PARP4: variants seen among roughly 807,000 people sequenced by gnomAD.
PARP4 encodes poly(ADP-ribose) polymerase family member 4, also known as protein mono-ADP-ribosyltransferase PARP4.
Under a neutral mutation model 187.7 loss-of-function variants are expected in PARP4, and 120 were observed. The ratio of observed to expected loss-of-function variants is 0.64; its 90% confidence interval spans 0.55 to 0.74. The LOEUF (loss-of-function observed/expected upper bound fraction) is 0.74. Among genes scored for constraint, PARP4 ranks in the 30% least tolerant of loss-of-function variants. The pLI, the probability that PARP4 is intolerant of heterozygous loss-of-function variation, is 0.00. For missense variants in PARP4, 1,836 were observed against 2,070.5 expected, an observed-to-expected ratio of 0.89 and a Z score of 2.20; for synonymous variants, 654 against 740.9, an observed-to-expected ratio of 0.88 and a Z score of 1.90.
At chr13:24,491,019 G>T (rs73154361) in intron 9 of PARP4, among the ~76,000 whole-genome samples, 191 bp from the exon 10 acceptor site, 11,995 of 152,084 alleles carry the variant, frequency 0.079, 638 homozygotes, top group Non-Finnish European at 0.12. Flanking sequence ...ATAGCTCATT[G>T]CAGCCTCAAC....
At chr13:24,500,293 G>A (rs1482327773) in intron 4 of PARP4, 23 bp downstream of exon 4, 1 of 1,466,290 alleles carries the variant, frequency 6.8e-7, no homozygotes, top group Non-Finnish European at 9.4e-7. Context: ...TAGAGTCCCA[G>A]GAATCAGAAA....
Position 24,421,012 on chromosome 13 carries a change from C to G in PARP4, c.*107G>C. 1.4e-6 allele frequency: 2 copies of G among 1,431,982 alleles called. No homozygotes were observed. Among genetic ancestry groups the G allele is most frequent in the Non-Finnish European group, 1.9e-6 (2 of 1,076,548 alleles). The allele number at this position is 1,431,982 out of a possible 1,614,324, so 88.7% of individuals were successfully genotyped here. A position where few individuals can be genotyped will look rare whatever the true frequency, so the allele number is the denominator to read the frequency against. On this transcript the variant is annotated 3_prime_UTR_variant, in exon 34 of 34. Coordinates refer to ENST00000381989, the MANE Select transcript of PARP4 (RefSeq NM_006437.4). ...ACTTAATTTTTAAAGACAGTAATTG[C>G]TACACTGAATGAAACCTTAATGAAG...
rs1868789200 is a variant in PARP4 at position 24,493,651 on chromosome 13, A to G, written c.824T>C (p.Leu275Pro). ...GAGAAGCATGTGTTCCAGGTGGCCC[A>G]GGGCCTCTGCCCAAATCATCTCTAC... ...DLVEMIWAEA[L>P]GHLEHMLLKP... The change falls in exon 8 of 34, where the codon CTG (leucine) becomes CCG (proline). Residue 275 changes from leucine (L) to proline (P), a missense_variant. Around this residue, in one of 8 missense-constraint regions of PARP4, gnomAD observed 1,147 missense variants for 1,214.2 expected, o/e 0.94. Transcript: ENST00000381989. 3.1e-6 allele frequency: 5 copies of G among 1,614,098 alleles called. No homozygotes were observed. The highest frequency in any genetic ancestry group is 3.4e-6 in the Non-Finnish European group (4 of 1,179,984).
chr13:24,497,206 T>C (rs1869006121), intron 6 of PARP4, among the ~76,000 whole-genome samples: 1 of 151,530 alleles, frequency 6.6e-6, no homozygotes, highest in South Asian at 2.1e-4. Context: ...GGCAAAGGTA[T>C]GGCCTCTGCA....
In PARP4 at chr13:24,485,343, G is replaced by A. The variant is rs139798050; in HGVS notation, c.1353-595C>T. On this transcript the variant is annotated intron_variant, in intron 11 of 33. Coordinates refer to ENST00000381989, the MANE Select transcript of PARP4 (RefSeq NM_006437.4). ...TAATTTCAAAATATAAAAAAAATATGTTGTAGAATCAGCTTTTCACTTCTT... is the reference window on the plus strand; with the variant it reads ...TAATTTCAAAATATAAAAAAAATATATTGTAGAATCAGCTTTTCACTTCTT... Among the ~76,000 whole-genome samples the A allele has an allele frequency of 8.9e-3, 1,354 of 152,186 alleles. 33 individuals carry two copies. Among genetic ancestry groups the A allele is most frequent in the African/African-American group, 0.03 (1,236 of 41,514 alleles).
intron 10 of PARP4, among the ~76,000 whole-genome samples, chr13:24,487,616 G>A (rs1174994052): frequency 6.6e-6 from 1 of 152,182 alleles, no homozygotes; most frequent in Non-Finnish European, 1.5e-5. Flanking sequence ...GGGTAGCTAA[G>A]ATGGGGCAGT....
Position 24,455,038 on chromosome 13 carries a change from T to C in PARP4, c.2737A>G (p.Asn913Asp). Residue 913 changes from asparagine to aspartate, a missense_variant, in exon 22 of 34, where the codon AAT becomes GAT. Transcript: ENST00000381989. ...LSLVGEKQKV[N>D]IIQFGTGYKE... ...TCACCTGTGCCGAACTGGATAATAT[T>C]TACTTTCTGCTTCTCACCCACCAAG... 1 of 1,608,662 alleles carries C rather than the reference T, an allele frequency of 6.2e-7. No homozygotes were observed. The highest frequency in any genetic ancestry group is 1.1e-5 in the South Asian group (1 of 90,764).
Position 24,453,307 on chromosome 13 carries a change from A to AG in PARP4, c.2826+279dup, listed in dbSNP as rs921580627. 7.3e-5 allele frequency among the ~76,000 whole-genome samples: 11 copies of AG among 151,614 alleles called. No homozygotes were observed. The South Asian group carries it at 1.7e-3, about 23-fold the overall frequency. On this transcript the variant is annotated intron_variant, in intron 23 of 33. Coordinates refer to ENST00000381989, the MANE Select transcript of PARP4 (RefSeq NM_006437.4). Reference sequence around the variant, plus strand: ...TAGATAAAGCTGGCTGCATTTTAAGAGAAAAAAAACAAAGGACAGAAGAAA... The same window carrying AG: ...TAGATAAAGCTGGCTGCATTTTAAGAGGAAAAAAAACAAAGGACAGAAGAAA...
At chr13:24,459,148 CTT>C in intron 19 of PARP4, 26 bp from the exon 20 acceptor site, 1 of 1,587,606 alleles carries the variant, frequency 6.3e-7, no homozygotes, top group Non-Finnish European at 8.6e-7. Flanking sequence ...AGAAAGTTGT[CTT>C]AGTCTACGAT....
At chr13:24,505,864 C>T (rs1869616673) in intron 1 of PARP4, among the ~76,000 whole-genome samples, 1 of 152,228 alleles carries the variant, frequency 6.6e-6, no homozygotes, top group South Asian at 2.1e-4. Context: ...GGTTCCGGGT[C>T]CTGTGTTAGC....
At chr13:24,464,324 G>C (rs1378804577) in intron 17 of PARP4, among the ~76,000 whole-genome samples, 3 of 152,066 alleles carry the variant, frequency 2.0e-5, no homozygotes, top group South Asian at 2.1e-4. Flanking sequence ...AACCAAAAAA[G>C]AGCCTGTAGA....
At chr13:24,478,845 T>C (rs9645855) in intron 12 of PARP4, among the ~76,000 whole-genome samples, 43,841 of 152,112 alleles carry the variant, frequency 0.29, 7,141 homozygotes, top group South Asian at 0.46. Context: ...TCCTAAATCT[T>C]TGTTAGCTAC....
At chr13:24,470,281 A>G (rs1256899360) in intron 15 of PARP4, among the ~76,000 whole-genome samples, 8 of 152,200 alleles carry the variant, frequency 5.3e-5, no homozygotes, top group Admixed American at 4.6e-4. Context: ...ACCAACACTG[A>G]CTTAGCAGAC....
rs17080653 is a variant in PARP4 at position 24,478,282 on chromosome 13, T to A, written c.1449-6A>T. On this transcript the variant is annotated splice_polypyrimidine_tract_variant and splice_region_variant and intron_variant, in intron 12 of 33. Coordinates refer to ENST00000381989, the MANE Select transcript of PARP4 (RefSeq NM_006437.4). ...GTGAGTACTTGATACTTGTACTACA[T>A]GCGAAAGGAAATAAACACATATTTA... 0.33 allele frequency: 512,474 copies of A among 1,560,728 alleles called. 77,020 individuals are homozygous for A. Among genetic ancestry groups the A allele is most frequent in the Admixed American group, 0.44 (24,499 of 55,896 alleles).
rs547751382 is a variant in PARP4 at position 24,430,783 on chromosome 13, G to A, written c.4846+594C>T. The stretch of plus-strand genomic sequence containing the variant: ...TGTCATGATAGGAAACAGGTCCAGA[G>A]GTTGAACAACTGCCTCTGGCAGAGG... On this transcript the variant is annotated intron_variant, in intron 32 of 33. Transcript: ENST00000381989. 1.6e-3 allele frequency among the ~76,000 whole-genome samples: 251 copies of A among 152,256 alleles called. 2 individuals carry two copies. Among genetic ancestry groups the A allele is most frequent in the African/African-American group, 5.8e-3 (239 of 41,542 alleles).
Position 24,458,549 on chromosome 13 carries a change from T to C in PARP4, c.2424+495A>G, listed in dbSNP as rs1159918817. Among the ~76,000 whole-genome samples, 4 of 151,828 alleles carry C rather than the reference T, an allele frequency of 2.6e-5. No homozygotes were observed. In the East Asian group the frequency reaches 7.7e-4, roughly 29 times the overall value. The stretch of plus-strand genomic sequence containing the variant: ...CCATGACTGCACCACTGTACTCTAG[T>C]CTGGGTGACAGAGCAAGACCCTGTC... On this transcript the variant is annotated intron_variant, in intron 20 of 33. Coordinates refer to ENST00000381989, the MANE Select transcript of PARP4 (RefSeq NM_006437.4).
At chr13:24,424,340 A>G (rs1869907500) in intron 33 of PARP4, among the ~76,000 whole-genome samples, 1 of 152,128 alleles carries the variant, frequency 6.6e-6, no homozygotes, top group South Asian at 2.1e-4. Context: ...AGGTTTATTT[A>G]CAGGTTCTGC....
At position 24,455,352 on chromosome 13, in the gene PARP4, G is replaced by C. The variant is rs148163604; in HGVS notation, c.2563-140C>G. The C allele has an allele frequency of 1.2e-3, 590 of 512,604 alleles. 5 individuals carry two copies. Among genetic ancestry groups the C allele is most frequent in the African/African-American group, 0.01 (534 of 52,616 alleles). 31.8% of individuals were successfully genotyped at this position (512,604 alleles called of 1,614,324 possible). On this transcript the variant is annotated intron_variant, in intron 21 of 33. Coordinates refer to ENST00000381989, the MANE Select transcript of PARP4 (RefSeq NM_006437.4). ...AAGAATAAGATGTAATTAACAACAAGATGGCCTACTAGGAGTTCCAGTCAA... is the reference window on the plus strand; with the variant it reads ...AAGAATAAGATGTAATTAACAACAACATGGCCTACTAGGAGTTCCAGTCAA...
At chr13:24,436,415 C>T (rs1458617088) in intron 30 of PARP4, among the ~76,000 whole-genome samples, 4 of 152,180 alleles carry the variant, frequency 2.6e-5, no homozygotes, top group East Asian at 3.9e-4. Context: ...GTGATCCTCT[C>T]GCCTCAGACT....
Sources: allele counts gnomAD v4.1 joint callset (sites outside exome capture counted in the v4.1 genomes callset), GRCh38; gene constraint gnomAD v4.1.1; regional missense constraint gnomAD v4.1.1; transcripts MANE v1.5; gene names NCBI Gene and HGNC (gene_info 2026-07-23, HGNC 2026-07-21).